The following PRKCH variants were observed in gnomAD, a reference collection of about 807,000 sequenced individuals.
PRKCH encodes the protein protein kinase C eta, also known as protein kinase C eta type.
A neutral mutation model predicts 82.5 loss-of-function variants in PRKCH; 28 were observed. The ratio of observed to expected loss-of-function variants is 0.34; its 90% CI spans 0.25 to 0.47. The LOEUF is 0.47. PRKCH is among the 20% of genes least tolerant of loss of function. The probability of loss-of-function intolerance (pLI) is 1.00; values close to 1 mark genes in which losing one functional copy is unlikely to be tolerated. For synonymous variants in PRKCH, 322 were observed against 327.4 expected (o/e 0.98, Z 0.18); for missense variants, 705 against 881.8 (o/e 0.80, Z 2.54).
chr14:61,378,218 CTTTTTCTTTTTT>C (rs2046450566), intron 1 of PRKCH, among the ~76,000 whole-genome samples: 2 of 142,608 alleles, frequency 1.4e-5, no homozygotes, highest in Non-Finnish European at 3.0e-5. Flanking sequence ...TTTTCTTTTT[CTTTTTCTTTTTT>C]TTTTTTTGAG....
chr14:61,209,523 T>C (rs1391107141), intron 1 of PRKCH, among the ~76,000 whole-genome samples: 1 of 151,562 alleles, frequency 6.6e-6, no homozygotes, highest in Admixed American at 6.6e-5. Flanking sequence ...CATGAAGCAA[T>C]GAGTAGGGAC....
chr14:61,269,836 C>T (rs140922910), intron 1 of PRKCH, among the ~76,000 whole-genome samples: 3 of 152,208 alleles, frequency 2.0e-5, no homozygotes, highest in Non-Finnish European at 4.4e-5. Flanking sequence ...TTGTACGCTG[C>T]GTTCCGTGTC....
rs565464237 is a variant in PRKCH, at chr14:61,386,508, G to A, written c.364-4717G>A. On this transcript the variant is annotated intron_variant, in intron 1 of 13. Coordinates refer to ENST00000332981, the MANE Select transcript of PRKCH (RefSeq NM_006255.5). Reference sequence around the variant, plus strand: ...AGTGGACGTGTTGGGATCTGAGAGCGATTCAATGTACCTGCTGAGGAGCTG... The same window carrying A: ...AGTGGACGTGTTGGGATCTGAGAGCAATTCAATGTACCTGCTGAGGAGCTG... 1.1e-3 allele frequency among the ~76,000 whole-genome samples: 174 copies of A among 152,254 alleles called. 1 individual carries two copies. The highest frequency in any genetic ancestry group is 2.1e-3 in the Non-Finnish European group (145 of 68,022).
intron 9 of PRKCH, among the ~76,000 whole-genome samples, chr14:61,464,324 T>C (rs1007344030): frequency 4.6e-5 from 7 of 152,178 alleles, no homozygotes; most frequent in Non-Finnish European, 7.4e-5. Flanking sequence ...ATTAGTGATA[T>C]TGAGCATTTT....
intron 1 of PRKCH, among the ~76,000 whole-genome samples, chr14:61,335,269 C>G (rs1457672733): frequency 6.6e-6 from 1 of 152,054 alleles, no homozygotes; most frequent in Non-Finnish European, 1.5e-5. Context: ...ATCTAGTTAT[C>G]TCTACCCCCT....
In PRKCH at chr14:61,457,688, G is replaced by C; in HGVS notation, c.1278+9G>C. ...GCTGCTTTCAGACCCCCGTAAGTAT[G>C]AATCACATTCACTGCACCAACAGCC... On this transcript the variant is annotated intron_variant, in intron 9 of 13. Transcript: ENST00000332981. 1 of 1,613,542 alleles carries C rather than the reference G, an allele frequency of 6.2e-7. No individual in the cohort carries two copies. The highest frequency in any genetic ancestry group is 2.2e-5 in the East Asian group (1 of 44,860).
chr14:61,413,880 C>T (rs1177071773), intron 2 of PRKCH, among the ~76,000 whole-genome samples: 1 of 152,132 alleles, frequency 6.6e-6, no homozygotes, highest in South Asian at 2.1e-4. Context: ...TCACTGAGGG[C>T]ATCTATATTG....
chr14:61,323,900 C>G (rs972207120), intron 1 of PRKCH, among the ~76,000 whole-genome samples: 1 of 152,174 alleles, frequency 6.6e-6, no homozygotes, highest in Non-Finnish European at 1.5e-5. Context: ...GGAGTTAGGT[C>G]GGGCAAAGCT....
chr14:61,308,450 C>G (rs1338911184), intron 1 of PRKCH, among the ~76,000 whole-genome samples: 1 of 152,098 alleles, frequency 6.6e-6, no homozygotes, highest in African/African-American at 2.4e-5. Context: ...TCTCCTGTAT[C>G]AAGCCCAAGT....
chr14:61,336,847 T>C (rs1381299227), intron 1 of PRKCH, among the ~76,000 whole-genome samples: 1 of 152,040 alleles, frequency 6.6e-6, no homozygotes, highest in Non-Finnish European at 1.5e-5. Flanking sequence ...GGTGGGCAGA[T>C]TGCTTGAGGT....
intron 1 of PRKCH, among the ~76,000 whole-genome samples, chr14:61,189,637 G>A (rs1477986620): frequency 1.0e-4 from 15 of 147,358 alleles, no homozygotes; most frequent in African/African-American, 3.8e-4. Flanking sequence ...CTTTCTCTCT[G>A]TCTTCCTACC....
At chr14:61,386,235 G>T (rs755255357) in intron 1 of PRKCH, among the ~76,000 whole-genome samples, 3 of 152,196 alleles carry the variant, frequency 2.0e-5, no homozygotes, top group Non-Finnish European at 4.4e-5. Flanking sequence ...AAGGTAGGAA[G>T]GGGTTTAGTG....
At chr14:61,471,948 T>C (rs772290442) in intron 9 of PRKCH, among the ~76,000 whole-genome samples, 2 of 152,214 alleles carry the variant, frequency 1.3e-5, no homozygotes, top group Non-Finnish European at 2.9e-5. Context: ...GCCAAATGTG[T>C]CAGACCTTCT....
intron 2 of PRKCH, among the ~76,000 whole-genome samples, chr14:61,416,808 C>T (rs534440876): frequency 2.0e-5 from 3 of 152,244 alleles, no homozygotes; most frequent in African/African-American, 7.2e-5. Context: ...CACTGCATGC[C>T]CTCTAAGGCC....
At chr14:61,348,606 G>T (rs1362627356) in intron 1 of PRKCH, among the ~76,000 whole-genome samples, 2 of 152,192 alleles carry the variant, frequency 1.3e-5, no homozygotes, top group African/African-American at 4.8e-5. Flanking sequence ...GCTGAGCTGG[G>T]TTTACACCCA....
chr14:61,398,608 G>A (rs1217957082), intron 2 of PRKCH, among the ~76,000 whole-genome samples: 1 of 152,096 alleles, frequency 6.6e-6, no homozygotes, highest in African/African-American at 2.4e-5. Context: ...ACACAACATC[G>A]TGATCTTGCC....
rs538841250 is a variant in PRKCH, at chr14:61,206,547, C to T, written c.-19+18879C>T. On this transcript the variant is annotated intron_variant, in intron 1 of 3. Coordinates refer to the PRKCH transcript ENST00000555185. Reference sequence around the variant, plus strand: ...CCAGGTAGATATGAATTTTAGGGGACACTAATGAACCCACTATAGGGGGGA... The same window carrying T: ...CCAGGTAGATATGAATTTTAGGGGATACTAATGAACCCACTATAGGGGGGA... 4.6e-5 allele frequency among the ~76,000 whole-genome samples: 7 copies of T among 152,280 alleles called. No homozygotes were observed. The South Asian group carries it at 1.5e-3, about 32-fold the overall frequency.
intron 1 of PRKCH, among the ~76,000 whole-genome samples, chr14:61,255,495 T>C (rs2044989276): frequency 6.6e-6 from 1 of 152,134 alleles, no homozygotes; most frequent in Non-Finnish European, 1.5e-5. Flanking sequence ...GATGAGGCAA[T>C]TTTTCCTTTT....
At chr14:61,205,621 A>G (rs1464018942) in intron 1 of PRKCH, among the ~76,000 whole-genome samples, 1 of 151,896 alleles carries the variant, frequency 6.6e-6, no homozygotes, top group Non-Finnish European at 1.5e-5. Context: ...TCCTCTTCCC[A>G]CCTTTCCCAG....
Sources: gnomAD v4.1 joint callset for allele counts (sites outside exome capture counted in the v4.1 genomes callset) on GRCh38, gnomAD v4.1.1 for gene constraint, MANE v1.5 for transcripts, NCBI Gene and HGNC (gene_info 2026-07-23, HGNC 2026-07-21) for gene names.